The following CSMD1 variants were observed in gnomAD, a reference collection of about 807,000 sequenced individuals.
CSMD1 encodes CUB and sushi domain-containing protein 1.
In CSMD1, 213 loss-of-function variants were observed where a neutral mutation model predicts 417.5. The ratio of observed to expected loss-of-function variants is 0.51; its 90% CI spans 0.46 to 0.57. The LOEUF is 0.57. Among genes scored for constraint, CSMD1 ranks in the 20% least tolerant of loss-of-function variants. The pLI is 0.00. For synonymous variants in CSMD1, 2,862 were observed against 1,736.8 expected (o/e 1.65, Z -16.11); for missense variants, 6,923 against 4,529.7 (o/e 1.53, Z -15.17).
intron 1 of CSMD1, among the ~76,000 whole-genome samples, chr8:4,828,696 A>T (rs1289781799): frequency 6.6e-6 from 1 of 152,166 alleles, no homozygotes; most frequent in Non-Finnish European, 1.5e-5. Flanking sequence ...TGTAAAAGTC[A>T]ACCTGGCATG....
chr8:4,365,836 C>A (rs540069175), intron 3 of CSMD1, among the ~76,000 whole-genome samples: 1 of 152,166 alleles, frequency 6.6e-6, no homozygotes, highest in African/African-American at 2.4e-5. Flanking sequence ...TTTCTAGATT[C>A]CACCAAGGAA....
At chr8:4,036,575 G>A (rs991349959) in intron 3 of CSMD1, among the ~76,000 whole-genome samples, 4 of 152,142 alleles carry the variant, frequency 2.6e-5, no homozygotes, top group African/African-American at 7.2e-5. Flanking sequence ...CATCAATTTA[G>A]GAAAGGTATT....
At chr8:4,891,773 C>G (rs1257401272) in intron 1 of CSMD1, among the ~76,000 whole-genome samples, 3 of 152,070 alleles carry the variant, frequency 2.0e-5, no homozygotes, top group Non-Finnish European at 1.5e-5. Context: ...TTATTTCAGT[C>G]AAGCAATTAT....
chr8:4,765,135 T>A (rs941116939), intron 1 of CSMD1, among the ~76,000 whole-genome samples: 1 of 152,154 alleles, frequency 6.6e-6, no homozygotes, highest in Non-Finnish European at 1.5e-5. Flanking sequence ...CCCTCTGATG[T>A]TCACACAGTT....
intron 5 of CSMD1, among the ~76,000 whole-genome samples, chr8:3,960,577 G>C (rs1386256193): frequency 6.6e-6 from 1 of 151,942 alleles, no homozygotes; most frequent in Non-Finnish European, 1.5e-5. Flanking sequence ...TTTAATTACT[G>C]ATAAAGCAAA....
chr8:4,293,172 A>G (rs535294739), intron 3 of CSMD1, among the ~76,000 whole-genome samples: 2 of 152,034 alleles, frequency 1.3e-5, no homozygotes, highest in Admixed American at 6.6e-5. Context: ...TACTCTGAGG[A>G]CTGAACCTCC....
intron 1 of CSMD1, among the ~76,000 whole-genome samples, chr8:4,689,639 A>G (rs1806633435): frequency 6.6e-6 from 1 of 152,218 alleles, no homozygotes; most frequent in African/African-American, 2.4e-5. Context: ...GTGTAAGACA[A>G]AGACTGTATC....
chr8:4,810,207 C>A (rs754938927), intron 1 of CSMD1, among the ~76,000 whole-genome samples: 1 of 152,118 alleles, frequency 6.6e-6, no homozygotes, highest in Non-Finnish European at 1.5e-5. Flanking sequence ...CACATCCATT[C>A]CCTGTCATGT....
chr8:3,043,354 A>G (rs1046860139), intron 50 of CSMD1, among the ~76,000 whole-genome samples: 4 of 152,194 alleles, frequency 2.6e-5, no homozygotes, highest in South Asian at 4.1e-4. Flanking sequence ...AACGATATAT[A>G]CAGATTATAT....
intron 2 of CSMD1, among the ~76,000 whole-genome samples, chr8:4,569,443 C>A (rs148314999): frequency 0.031 from 4,652 of 152,240 alleles, 107 homozygotes; most frequent in Middle Eastern, 0.099. Context: ...TGTCAAACAT[C>A]AGATGGTTGT....
chr8:4,206,875 T>G (rs2131273095), intron 3 of CSMD1, among the ~76,000 whole-genome samples: 1 of 152,322 alleles, frequency 6.6e-6, no homozygotes, highest in Non-Finnish European at 1.5e-5. Context: ...ACAATATTAT[T>G]TTTCCATAGT....
intron 5 of CSMD1, among the ~76,000 whole-genome samples, chr8:3,804,230 C>A (rs1348701171): frequency 6.6e-6 from 1 of 152,048 alleles, no homozygotes; most frequent in African/African-American, 2.4e-5. Flanking sequence ...CTACACCAAG[C>A]CTAGAGACAA....
At chr8:3,538,767 C>A (rs1798313479) in intron 10 of CSMD1, among the ~76,000 whole-genome samples, 1 of 152,208 alleles carries the variant, frequency 6.6e-6, no homozygotes, top group Admixed American at 6.5e-5. Flanking sequence ...CTACATGTAT[C>A]CTACTCGGGA....
intron 3 of CSMD1, among the ~76,000 whole-genome samples, chr8:4,119,643 A>G (rs1354485994): frequency 6.6e-6 from 1 of 152,174 alleles, no homozygotes; most frequent in Non-Finnish European, 1.5e-5. Context: ...GTGAGGAACA[A>G]GGAAGCACAC....
At position 3,296,188 on chromosome 8, in the gene CSMD1, G is replaced by T. The variant is rs540774655; in HGVS notation, c.3950+11507C>A. On this transcript the variant is annotated intron_variant, in intron 25 of 69. Coordinates refer to ENST00000635120, the MANE Select transcript of CSMD1 (RefSeq NM_033225.6). ...GAAGCCTGAAGTATTAAATGGGGTG[G>T]TTAGGCTAAGCCATCTTGGCAGAGG... is the stretch of plus-strand genomic sequence containing the variant. 3.9e-5 allele frequency among the ~76,000 whole-genome samples: 6 copies of T among 152,048 alleles called. No homozygotes were observed. The South Asian group carries it at 6.2e-4, about 16-fold the overall frequency.
intron 1 of CSMD1, among the ~76,000 whole-genome samples, chr8:4,638,842 C>G (rs1039150494): frequency 6.6e-6 from 1 of 152,160 alleles, no homozygotes; most frequent in African/African-American, 2.4e-5. Flanking sequence ...TGAGCAGTGT[C>G]TGAGGAACTG....
chr8:3,480,881 G>C (rs952146170), intron 11 of CSMD1, among the ~76,000 whole-genome samples: 1 of 151,958 alleles, frequency 6.6e-6, no homozygotes, highest in Non-Finnish European at 1.5e-5. Context: ...GGTAGGCTGG[G>C]GGCAATGGCT....
chr8:4,083,535 C>T (rs1003024402), intron 3 of CSMD1, among the ~76,000 whole-genome samples: 38 of 152,150 alleles, frequency 2.5e-4, no homozygotes, highest in South Asian at 8.3e-4. Flanking sequence ...GAAATAATGC[C>T]GCATATTTAC....
intron 23 of CSMD1, among the ~76,000 whole-genome samples, chr8:3,329,853 G>A (rs990110109): frequency 1.3e-5 from 2 of 152,168 alleles, no homozygotes; most frequent in Admixed American, 6.5e-5. Flanking sequence ...AGGGCACAGT[G>A]CCTATGGCCC....
Sources: allele counts gnomAD v4.1 joint callset (sites outside exome capture counted in the v4.1 genomes callset), GRCh38; gene constraint gnomAD v4.1.1; transcripts MANE v1.5; gene names NCBI Gene and HGNC (gene_info 2026-07-23, HGNC 2026-07-21).